The following ANK2 variants were observed in gnomAD, a reference collection of about 807,000 sequenced individuals.
ANK2 encodes the protein ankyrin-2.
Under a neutral mutation model 360.5 loss-of-function variants are expected in ANK2, and 83 were observed. The observed-to-expected ratio is 0.23, with a 90% confidence interval of 0.19 to 0.28. The LOEUF (loss-of-function observed/expected upper bound fraction) is 0.28, where lower values mean the gene tolerates loss of function less well. Ranked by LOEUF, ANK2 falls within the 10% of genes least tolerant of loss-of-function variation. The pLI, the probability that ANK2 is intolerant of heterozygous loss-of-function variation, is 1.00. For missense variants in ANK2, 4,201 were observed against 4,795.7 expected, an observed-to-expected ratio of 0.88 and a Z score of 3.66; for synonymous variants, 1,740 against 1,759.5, an observed-to-expected ratio of 0.99 and a Z score of 0.28.
intron 1 of ANK2, chr4:112,881,959 G>T: frequency 1.6e-6 from 1 of 623,780 alleles, no homozygotes; most frequent in African/African-American, 1.8e-5. Flanking sequence ...CTCCTCCACA[G>T]TGGCATACGT....
intron 1 of ANK2, among the ~76,000 whole-genome samples, chr4:113,089,599 G>T (rs1178456771): frequency 1.3e-5 from 2 of 152,240 alleles, no homozygotes; most frequent in Non-Finnish European, 2.9e-5. Context: ...GCTGAGGCGG[G>T]TGGATCACCT....
the ANK2 span, among the ~76,000 whole-genome samples, chr4:112,759,814 T>C: frequency 6.6e-6 from 1 of 152,196 alleles, no homozygotes; most frequent in African/African-American, 2.4e-5. Flanking sequence ...TATATATTTT[T>C]CTCTTTCCTT....
chr4:113,275,572 G>A (rs1288100182), intron 15 of ANK2, among the ~76,000 whole-genome samples: 1 of 152,174 alleles, frequency 6.6e-6, no homozygotes, highest in Non-Finnish European at 1.5e-5. Flanking sequence ...GTAAGTAGGA[G>A]CAGCCCACTA....
chr4:113,199,213 A>G (rs1490628969), intron 4 of ANK2, 104 bp downstream of exon 4: 3 of 900,606 alleles, frequency 3.3e-6, no homozygotes, highest in Non-Finnish European at 5.3e-6. Context: ...TAAATTTATT[A>G]TAAGTGCTTT....
intron 40 of ANK2, among the ~76,000 whole-genome samples, chr4:113,363,695 T>C (rs901258024): frequency 1.3e-5 from 2 of 152,308 alleles, no homozygotes; most frequent in South Asian, 4.1e-4. Flanking sequence ...TTGTGTATCC[T>C]CCCCATGTCT....
At chr4:113,168,237 C>T (rs1169113619) in intron 1 of ANK2, among the ~76,000 whole-genome samples, 1 of 152,176 alleles carries the variant, frequency 6.6e-6, no homozygotes. Flanking sequence ...CAAATAATCT[C>T]TCACTTAAAA....
intron 9 of ANK2, 31 bp downstream of exon 9, chr4:113,242,240 C>A (rs2153574330): frequency 1.3e-6 from 2 of 1,582,236 alleles, no homozygotes; most frequent in Non-Finnish European, 1.7e-6. Context: ...AATTTTCTAC[C>A]ATTATTATTT....
At chr4:113,325,138 AAG>A (rs1399105273) in intron 26 of ANK2, among the ~76,000 whole-genome samples, 4 of 152,216 alleles carry the variant, frequency 2.6e-5, no homozygotes, top group African/African-American at 9.6e-5. Context: ...TTTGGAGAGT[AAG>A]AGATGCAATT....
chr4:113,213,549 T>C (rs986358230), intron 4 of ANK2, among the ~76,000 whole-genome samples: 8 of 152,192 alleles, frequency 5.3e-5, no homozygotes, highest in African/African-American at 1.9e-4. Flanking sequence ...ATAATATAAA[T>C]CTTTGATTCA....
At chr4:113,071,331 C>T (rs2077473287) in intron 1 of ANK2, among the ~76,000 whole-genome samples, 2 of 152,164 alleles carry the variant, frequency 1.3e-5, no homozygotes, top group South Asian at 4.1e-4. Flanking sequence ...GCAATTAGAA[C>T]TCACTGTGAT....
At chr4:112,801,705 A>G in the ANK2 span, among the ~76,000 whole-genome samples, 50 of 152,212 alleles carry the variant, frequency 3.3e-4, no homozygotes, top group African/African-American at 1.1e-3. Context: ...CAAAATTAGG[A>G]AAATAAAAAA....
rs368060134 is a variant in ANK2, at chr4:112,933,081, ATTG to A, written c.21+28573_21+28575del. Among the ~76,000 whole-genome samples, 20 of 152,310 alleles carry A rather than the reference ATTG, an allele frequency of 1.3e-4. No individual in the cohort carries two copies. The East Asian group carries it at 2.9e-3, about 22-fold the overall frequency. On this transcript the variant is annotated intron_variant, in intron 2 of 30. Coordinates refer to the ANK2 transcript ENST00000503271. Reference sequence around the variant, plus strand: ...AGTGGGAATTAGTTGATATTAAGAAATTGTTGTTACTTTTGTTAGCTGTCATAC... The same window carrying A: ...AGTGGGAATTAGTTGATATTAAGAAATTGTTACTTTTGTTAGCTGTCATAC...
intron 2 of ANK2, among the ~76,000 whole-genome samples, chr4:112,907,596 CACA>C (rs1418548559): frequency 3.9e-5 from 6 of 152,180 alleles, no homozygotes; most frequent in Non-Finnish European, 7.4e-5. Flanking sequence ...TCTAGGTGAT[CACA>C]ACTATATTGA....
chr4:112,795,307 G>A, the ANK2 span, among the ~76,000 whole-genome samples: 1 of 152,296 alleles, frequency 6.6e-6, no homozygotes, highest in East Asian at 1.9e-4. Flanking sequence ...ATATTACTCA[G>A]AGACTTGACA....
At chr4:113,219,435 G>T (rs890627243) in intron 4 of ANK2, among the ~76,000 whole-genome samples, 21 of 151,730 alleles carry the variant, frequency 1.4e-4, no homozygotes, top group African/African-American at 5.1e-4. Context: ...ATGTGATATG[G>T]TGAGCAGCAC....
intron 1 of ANK2, among the ~76,000 whole-genome samples, chr4:112,845,380 G>A (rs2149856822): frequency 6.6e-6 from 1 of 151,202 alleles, no homozygotes; most frequent in South Asian, 2.1e-4. Context: ...AATAGGACTA[G>A]TTATTAAACA....
intron 22 of ANK2, among the ~76,000 whole-genome samples, chr4:113,298,974 G>A (rs2073464961): frequency 1.3e-5 from 2 of 152,116 alleles, no homozygotes; most frequent in Non-Finnish European, 2.9e-5. Flanking sequence ...GCCTTCTAAA[G>A]GTCAAATACC....
At position 113,346,404 on chromosome 4, in the gene ANK2, G is replaced by A. The variant is rs1174003923; in HGVS notation, c.4371+382G>A. Among the ~76,000 whole-genome samples the A allele has an allele frequency of 2.6e-5, 4 of 152,022 alleles. No individual in the cohort carries two copies. The East Asian group carries it at 7.7e-4, about 29-fold the overall frequency. On this transcript the variant is annotated intron_variant, in intron 35 of 45. Coordinates refer to ENST00000357077, the MANE Select transcript of ANK2 (RefSeq NM_001148.6). The stretch of plus-strand genomic sequence containing the variant: ...CATGTGCTTTCCTGCGACCATACTC[G>A]TGCATTTGGCCCTATGAAAATATTA...
rs555857460 is a variant in ANK2 at position 113,353,117 on chromosome 4, G to A, written c.4499G>A (p.Ser1500Asn). 1 of 1,614,052 alleles carries A rather than the reference G, an allele frequency of 6.2e-7. No homozygotes were observed. Among genetic ancestry groups the A allele is most frequent in the East Asian group, 2.2e-5 (1 of 44,878 alleles). Reference protein sequence around the residue: ...HLVNEVPVLASPDLLSEVSEM... With the variant: ...HLVNEVPVLANPDLLSEVSEM... Reference sequence around the variant, plus strand: ...GTTAATGAAGTTCCTGTCCTAGCAAGTCCGGACTTGCTCTCTGAAGTTTCT... The same window carrying A: ...GTTAATGAAGTTCCTGTCCTAGCAAATCCGGACTTGCTCTCTGAAGTTTCT... The change falls in exon 38 of 46, where the codon AGT (serine) becomes AAT (asparagine). Residue 1500 changes from serine to asparagine, a missense_variant. Physicochemically the swap from Ser to Asn is conservative, Grantham distance 46. Transcript: ENST00000357077.
Sources: allele counts gnomAD v4.1 joint callset (sites outside exome capture counted in the v4.1 genomes callset), GRCh38; gene constraint gnomAD v4.1.1; transcripts MANE v1.5; gene names NCBI Gene and HGNC (gene_info 2026-07-23, HGNC 2026-07-21).